Variants in PIEZO2 observed in about 807,000 individuals in gnomAD.
PIEZO2 encodes the protein piezo type mechanosensitive ion channel component 2.
A neutral mutation model predicts 337.3 loss-of-function variants in PIEZO2; 172 were observed. The observed-to-expected ratio is 0.51, with a 90% CI of 0.45 to 0.58. The LOEUF (loss-of-function observed/expected upper bound fraction) is 0.58. PIEZO2 is among the 20% of genes least tolerant of loss of function. The pLI, the probability that PIEZO2 is intolerant of heterozygous loss-of-function variation, is 0.00. For synonymous variants in PIEZO2, 1,251 were observed against 1,228.5 expected, an observed-to-expected ratio of 1.02 and a Z score of -0.38; for missense variants, 3,028 against 3,391.3, an observed-to-expected ratio of 0.89 and a Z score of 2.66.
rs565800025 is a variant in PIEZO2 at position 10,799,636 on chromosome 18, A to G, written c.1378+701T>C. On this transcript the variant is annotated intron_variant, in intron 11 of 55. Coordinates refer to ENST00000674853, the MANE Select transcript of PIEZO2 (RefSeq NM_001378183.1). ...GAGACAAAAAGCCTTGCAAAAGTTAAGACAACCTCGTTTTTTAAAAAATGG... is the reference window on the plus strand; with the variant it reads ...GAGACAAAAAGCCTTGCAAAAGTTAGGACAACCTCGTTTTTTAAAAAATGG... Among the ~76,000 whole-genome samples, 4 of 152,352 alleles carry G rather than the reference A, an allele frequency of 2.6e-5. No individual in the cohort carries two copies. The South Asian group carries it at 6.2e-4, about 24-fold the overall frequency.
In PIEZO2 at chr18:11,109,394, T is replaced by C. The variant is rs2039664246; in HGVS notation, c.64+39131A>G. On this transcript the variant is annotated intron_variant, in intron 1 of 55. Transcript: ENST00000674853. This position sits in a 1 kb window ranked among gnomAD's most constrained non-coding sequence, Gnocchi z 5.1. ...ATTTGATGGGGTGGCAGGTGGGAGC[T>C]GGGGGGTGTAGCTCTGATTTCAGTA... Among the ~76,000 whole-genome samples, 1 of 152,012 alleles carries C rather than the reference T, an allele frequency of 6.6e-6. No individual in the cohort carries two copies. Among genetic ancestry groups the C allele is most frequent in the African/African-American group, 2.4e-5 (1 of 41,378 alleles).
chr18:11,029,667 A>C (rs1168546675), intron 2 of PIEZO2, among the ~76,000 whole-genome samples: 1 of 151,884 alleles, frequency 6.6e-6, no homozygotes, highest in Admixed American at 6.6e-5. Flanking sequence ...TTCTTCCTTC[A>C]TTCCTCCCCA....
Position 10,837,752 on chromosome 18 carries a change from TTTG to T in PIEZO2, c.917+17598_917+17600del, listed in dbSNP as rs1555657103. 4.6e-5 allele frequency among the ~76,000 whole-genome samples: 7 copies of T among 152,040 alleles called. No individual in the cohort carries two copies. The highest frequency in any genetic ancestry group is 1.9e-4 in the East Asian group (1 of 5,190). On this transcript the variant is annotated intron_variant, in intron 7 of 55. Coordinates refer to ENST00000674853, the MANE Select transcript of PIEZO2 (RefSeq NM_001378183.1). This position sits in a 1 kb window ranked among gnomAD's most constrained non-coding sequence, Gnocchi z 4.4. ...ATTTTATAAAATTTCCTCATTTTTT[TTTG>T]TTGTTGTTGTTGTTGAGATGAAGTC...
chr18:10,754,953 G>T (rs376460326), intron 27 of PIEZO2, among the ~76,000 whole-genome samples: 1 of 152,136 alleles, frequency 6.6e-6, no homozygotes, highest in Non-Finnish European at 1.5e-5. Flanking sequence ...CTTGGGCTGG[G>T]GTAAAAGGGC....
rs578229636 is a variant in PIEZO2, at chr18:11,133,822, A to ATATG, written c.64+14702_64+14703insCATA. ...TATATATGTGTGTATATATATATAT[A>ATATG]TACTTAATAAACTCCTATATATATA... is the stretch of plus-strand genomic sequence containing the variant. On this transcript the variant is annotated intron_variant, in intron 1 of 55. Transcript: ENST00000674853. 1.3e-3 allele frequency among the ~76,000 whole-genome samples: 194 copies of ATATG among 151,012 alleles called. 1 individual carries two copies. In the Middle Eastern group the frequency reaches 0.014, roughly 11 times the overall value.
At chr18:10,849,556 G>A (rs1382990178) in intron 7 of PIEZO2, among the ~76,000 whole-genome samples, 4 of 152,222 alleles carry the variant, frequency 2.6e-5, no homozygotes, top group South Asian at 2.1e-4. Context: ...CATCGTTAAC[G>A]CAGGATGCCT....
chr18:10,818,884 T>A (rs1432876327), intron 7 of PIEZO2, among the ~76,000 whole-genome samples: 7 of 152,212 alleles, frequency 4.6e-5, no homozygotes, highest in Admixed American at 3.3e-4. Flanking sequence ...TTAGAATATA[T>A]AACCGAATTA....
chr18:10,733,611 G>A (rs2036877777), intron 35 of PIEZO2, among the ~76,000 whole-genome samples: 1 of 152,018 alleles, frequency 6.6e-6, no homozygotes, highest in Non-Finnish European at 1.5e-5. Context: ...ACCACGCCCG[G>A]CTAATTTTTT....
intron 2 of PIEZO2, among the ~76,000 whole-genome samples, chr18:10,997,165 G>A (rs1479721197): frequency 6.6e-6 from 1 of 150,398 alleles, no homozygotes; most frequent in African/African-American, 2.5e-5. Context: ...AAGGTTTTGA[G>A]AACTGAACTG....
intron 7 of PIEZO2, among the ~76,000 whole-genome samples, chr18:10,838,280 T>G (rs1203492214): frequency 6.6e-6 from 1 of 152,232 alleles, no homozygotes; most frequent in African/African-American, 2.4e-5. Context: ...TAACCATCTT[T>G]TTTTTATTGG....
intron 2 of PIEZO2, among the ~76,000 whole-genome samples, chr18:11,040,629 A>ATAT (rs2037088325): frequency 6.6e-6 from 1 of 152,190 alleles, no homozygotes; most frequent in South Asian, 2.1e-4. Flanking sequence ...ATGTACCTGC[A>ATAT]TATTAGGTGC....
intron 36 of PIEZO2, among the ~76,000 whole-genome samples, chr18:10,720,504 T>A (rs1161293328): frequency 7.4e-6 from 1 of 135,946 alleles, no homozygotes; most frequent in East Asian, 2.1e-4. Context: ...GTTGCCCAGG[T>A]TGGAGTGCAA....
At chr18:11,138,645 G>A (rs766884992) in intron 1 of PIEZO2, among the ~76,000 whole-genome samples, 2 of 152,174 alleles carry the variant, frequency 1.3e-5, no homozygotes, top group Admixed American at 6.5e-5. Flanking sequence ...AGTAAGTTCC[G>A]TGCTGGGGAT....
intron 4 of PIEZO2, among the ~76,000 whole-genome samples, chr18:10,897,190 T>TA (rs370333079): frequency 5.7e-5 from 5 of 87,856 alleles, no homozygotes; most frequent in African/African-American, 1.7e-4. Flanking sequence ...GGAGATCTGA[T>TA]TTTTTTTTTT....
At chr18:10,703,009 G>A (rs1327313340) in intron 42 of PIEZO2, among the ~76,000 whole-genome samples, 1 of 152,148 alleles carries the variant, frequency 6.6e-6, no homozygotes, top group Non-Finnish European at 1.5e-5. Flanking sequence ...AAGCCACCAT[G>A]CCTGGCTAAT....
At chr18:10,977,801 T>G (rs926235370) in intron 3 of PIEZO2, among the ~76,000 whole-genome samples, 7 of 152,176 alleles carry the variant, frequency 4.6e-5, no homozygotes, top group African/African-American at 1.7e-4. Flanking sequence ...TATGCTAAAT[T>G]AAGGAAGTCA....
At position 11,143,885 on chromosome 18, in the gene PIEZO2, T is replaced by C. The variant is rs1000423873; in HGVS notation, c.64+4640A>G. 1.3e-5 allele frequency among the ~76,000 whole-genome samples: 2 copies of C among 152,248 alleles called. No homozygotes were observed. The highest frequency in any genetic ancestry group is 4.8e-5 in the African/African-American group (2 of 41,462). ...GTGTCAGGCTTTATACAAGGTGTGC[T>C]GTGCACACTATCTCACAACCATGCA... On this transcript the variant is annotated intron_variant, in intron 1 of 55. Coordinates refer to ENST00000674853, the MANE Select transcript of PIEZO2 (RefSeq NM_001378183.1). This position sits in a 1 kb window ranked among gnomAD's most constrained non-coding sequence, Gnocchi z 4.9.
rs963962086 is a variant in PIEZO2, at chr18:10,724,686, C to T, written c.5030-6427G>A. The stretch of plus-strand genomic sequence containing the variant: ...CCAGCCCACCTACCAGTCTGCTGTC[C>T]CTGCGTCATAGGCTGAAGCACTCAG... On this transcript the variant is annotated intron_variant, in intron 36 of 55. Transcript: ENST00000674853. The surrounding 1 kb of genome is among the most constrained non-coding windows in gnomAD (Gnocchi z 5.8). 79 of 1,077,352 alleles carry T rather than the reference C, an allele frequency of 7.3e-5. No individual in the cohort carries two copies. The highest frequency in any genetic ancestry group is 1.0e-4 in the Non-Finnish European group (75 of 734,660). 66.7% of individuals were successfully genotyped at this position (1,077,352 alleles called of 1,614,324 possible).
At chr18:10,736,195 G>T (rs1408633618) in intron 34 of PIEZO2, among the ~76,000 whole-genome samples, 1 of 152,202 alleles carries the variant, frequency 6.6e-6, no homozygotes, top group Non-Finnish European at 1.5e-5. Context: ...ATGATCATTT[G>T]CTCCACAACA....
Sources: allele counts gnomAD v4.1 joint callset (sites outside exome capture counted in the v4.1 genomes callset), GRCh38; gene constraint gnomAD v4.1.1; non-coding constraint Gnocchi (gnomAD v3.1); transcripts MANE v1.5; gene names NCBI Gene and HGNC (gene_info 2026-07-23, HGNC 2026-07-21).